F3: variants seen among roughly 807,000 people sequenced by gnomAD.
F3 encodes the protein coagulation factor III, tissue factor.
In F3, 18 loss-of-function variants were observed where a neutral mutation model predicts 33.5. That is an observed-to-expected ratio of 0.54 (90% CI 0.37 to 0.80). F3 has a LOEUF of 0.80. F3 is among the 30% of genes least tolerant of loss of function. The pLI is 0.00. For synonymous variants in F3, 147 were observed against 140.7 expected (o/e 1.05, Z -0.32); for missense variants, 353 against 362.1 (o/e 0.97, Z 0.20).
chr1:94,537,897 C>T (rs1333422561), intron 2 of F3, among the ~76,000 whole-genome samples: 1 of 152,144 alleles, frequency 6.6e-6, no homozygotes, highest in South Asian at 2.1e-4. Context: ...TTTATCAGTA[C>T]AGCAAATAGT....
chr1:94,530,664 C>T (rs916302590), intron 5 of F3, 68 bp from the exon 6 acceptor site: 28 of 1,581,390 alleles, frequency 1.8e-5, no homozygotes, highest in Middle Eastern at 3.7e-4. Flanking sequence ...ACAAAATTGA[C>T]GGCATAACCC....
At chr1:94,537,579 T>C (rs1004086270) in intron 2 of F3, among the ~76,000 whole-genome samples, 1 of 152,180 alleles carries the variant, frequency 6.6e-6, no homozygotes, top group Non-Finnish European at 1.5e-5. Context: ...CATTTACAGG[T>C]TGAATTAATA....
In F3 at chr1:94,533,231, C is replaced by T. The variant is rs751336863; in HGVS notation, c.450G>A (p.Gln150=). The T allele has an allele frequency of 6.2e-7, 1 of 1,613,280 alleles. No individual in the cohort carries two copies. Among genetic ancestry groups the T allele is most frequent in the Non-Finnish European group, 8.5e-7 (1 of 1,179,856 alleles). The change falls in exon 4 of 6, where the codon CAG becomes CAA. Residue 150 remains glutamine, a synonymous_variant. Coordinates refer to ENST00000334047, the MANE Select transcript of F3 (RefSeq NM_001993.5). The stretch of plus-strand genomic sequence containing the variant: ...CGGTCACATTCACTTTTGTTCCCAC[C>T]TGTTCAAAACTCTGAATTGTTGGCT... The part of the protein sequence containing the change: ...LGQPTIQSFE[Q]VGTKVNVTVE...
Position 94,532,462 on chromosome 1 carries a change from T to G in F3, c.610A>C (p.Thr204Pro). The part of the protein sequence containing the change: ...SSGKKTAKTN[T>P]NEFLIDVDKG... ...TCCACATCAATCAAAAACTCATTAG[T>G]GTTTGTTTTGGCTGTTTTCTGTAAA... The change falls in exon 5 of 6, where the codon ACT becomes CCT. Residue 204 changes from threonine (T) to proline (P), a missense_variant. By Grantham distance (38) the Thr-to-Pro change is conservative. Coordinates refer to ENST00000334047, the MANE Select transcript of F3 (RefSeq NM_001993.5). 4 of 1,614,088 alleles carry G rather than the reference T, an allele frequency of 2.5e-6. No homozygotes were observed. Among genetic ancestry groups the G allele is most frequent in the Non-Finnish European group, 3.4e-6 (4 of 1,180,028 alleles).
In F3 at chr1:94,529,695, A is replaced by AT. The variant is rs1296083491; in HGVS notation, c.*764dup. 1 of 152,398 alleles carries AT rather than the reference A, an allele frequency of 6.6e-6. No homozygotes were observed. The highest frequency in any genetic ancestry group is 2.4e-5 in the African/African-American group (1 of 41,436). The allele number at this position is 152,398 out of a possible 1,614,324, so 9.4% of individuals were successfully genotyped here. ...AAAAAAAAAAGAACCTAAACACTAT[A>AT]TTATAGACATATGTTAGAAAAGTCC... On this transcript the variant is annotated 3_prime_UTR_variant, in exon 6 of 6. Transcript: ENST00000334047.
chr1:94,539,394 T>TAAA, intron 2 of F3, among the ~76,000 whole-genome samples: 1 of 152,356 alleles, frequency 6.6e-6, no homozygotes, highest in Middle Eastern at 3.4e-3. Flanking sequence ...CCTAATGCTG[T>TAAA]AAAAGGCCTG....
chr1:94,532,955 C>T (rs55917816), intron 4 of F3, 135 bp downstream of exon 4: 288 of 838,664 alleles, frequency 3.4e-4, no homozygotes, highest in African/African-American at 2.3e-3. Context: ...CCCCACAGTG[C>T]GCGCTCCCCC....
At position 94,530,534 on chromosome 1, in the gene F3, T is replaced by G; in HGVS notation, c.814A>C (p.Ile272Leu). Residue 272 changes from isoleucine (I) to leucine (L), a missense_variant, in exon 6 of 6, where the codon ATA becomes CTA. Coordinates refer to ENST00000334047, the MANE Select transcript of F3 (RefSeq NM_001993.5). ...VVIILVIILA[I>L]SLHKCRKAGV... The stretch of plus-strand genomic sequence containing the variant: ...GCCTTTCTACACTTGTGTAGAGATA[T>G]AGCCAGGATGATGACAAGGATGATG... 2 of 1,614,128 alleles carry G rather than the reference T, an allele frequency of 1.2e-6. No individual in the cohort carries two copies.
intron 3 of F3, among the ~76,000 whole-genome samples, chr1:94,534,474 G>A (rs767879324): frequency 6.6e-6 from 1 of 152,136 alleles, no homozygotes; most frequent in Non-Finnish European, 1.5e-5. Context: ...AAAGTTTTGA[G>A]ATATTCTACA....
intron 2 of F3, among the ~76,000 whole-genome samples, chr1:94,537,822 G>A (rs1651658631): frequency 6.6e-6 from 1 of 152,270 alleles, no homozygotes; most frequent in South Asian, 2.1e-4. Context: ...GTTCCCGAAT[G>A]ACCAAAATGT....
chr1:94,534,132 T>C (rs533523537), intron 3 of F3, among the ~76,000 whole-genome samples: 1 of 152,220 alleles, frequency 6.6e-6, no homozygotes, highest in African/African-American at 2.4e-5. Flanking sequence ...ATCCCAAAGT[T>C]CTGAGATTAC....
intron 3 of F3, among the ~76,000 whole-genome samples, chr1:94,534,112 C>A (rs1651521870): frequency 1.3e-5 from 2 of 152,166 alleles, no homozygotes; most frequent in Non-Finnish European, 1.5e-5. Context: ...AGTGATCCAC[C>A]CGCCTTAGCA....
At position 94,536,174 on chromosome 1, in the gene F3, G is replaced by A. The variant is rs1425672162; in HGVS notation, c.213-10C>T. ...ATCTCCTGACTTAGTGCTAAAGAAA[G>A]AAAAGAAGGAAGAAACATAAATGGA... is the stretch of plus-strand genomic sequence containing the variant. On this transcript the variant is annotated splice_polypyrimidine_tract_variant and intron_variant, in intron 2 of 5. Coordinates refer to ENST00000334047, the MANE Select transcript of F3 (RefSeq NM_001993.5). 1 of 1,612,468 alleles carries A rather than the reference G, an allele frequency of 6.2e-7. No individual in the cohort carries two copies. The highest frequency in any genetic ancestry group is 1.3e-5 in the African/African-American group (1 of 74,906).
At chr1:94,533,382 G>T in intron 3 of F3, 114 bp from the exon 4 acceptor site, 1 of 1,273,622 alleles carries the variant, frequency 7.9e-7, no homozygotes, top group Non-Finnish European at 1.1e-6. Context: ...CATGTGCATA[G>T]AACCAGCTCC....
chr1:94,539,501 A>G (rs1197521086), intron 2 of F3, among the ~76,000 whole-genome samples: 2 of 152,232 alleles, frequency 1.3e-5, no homozygotes, highest in Non-Finnish European at 2.9e-5. Flanking sequence ...TAATTTCCAC[A>G]GCAGCTATTC....
At position 94,530,255 on chromosome 1, in the gene F3, G is replaced by C; in HGVS notation, c.*205C>G. The C allele has an allele frequency of 3.5e-6, 2 of 563,502 alleles. No homozygotes were observed. The highest frequency in any genetic ancestry group is 5.6e-5 in the South Asian group (2 of 35,764). 34.9% of individuals were successfully genotyped at this position (563,502 alleles called of 1,614,324 possible). A position where few individuals can be genotyped will look rare whatever the true frequency, so the allele number is the denominator to read the frequency against. On this transcript the variant is annotated 3_prime_UTR_variant, in exon 6 of 6. Coordinates refer to ENST00000334047, the MANE Select transcript of F3 (RefSeq NM_001993.5). ...AAATTAAAACTTGGAATTGGTTGTA[G>C]TACCATTCGTTACATTTCAAAGTGA...
intron 2 of F3, among the ~76,000 whole-genome samples, chr1:94,537,180 C>A (rs139544803): frequency 6.6e-6 from 1 of 152,150 alleles, no homozygotes; most frequent in African/African-American, 2.4e-5. Context: ...TTTTGTGAGA[C>A]GTCACTGAAG....
intron 4 of F3, 124 bp from the exon 5 acceptor site, chr1:94,532,604 G>T: frequency 1.0e-6 from 1 of 992,694 alleles, no homozygotes; most frequent in Non-Finnish European, 1.5e-6. Context: ...GCTGACACGT[G>T]AAGGATTAGA....
intron 2 of F3, among the ~76,000 whole-genome samples, chr1:94,536,802 T>A (rs1651622534): frequency 6.6e-6 from 1 of 152,186 alleles, no homozygotes; most frequent in Admixed American, 6.5e-5. Context: ...TGAGTCTACA[T>A]AATAACATGT....
Sources: allele counts gnomAD v4.1 joint callset (sites outside exome capture counted in the v4.1 genomes callset), GRCh38; gene constraint gnomAD v4.1.1; transcripts MANE v1.5; gene names NCBI Gene and HGNC (gene_info 2026-07-23, HGNC 2026-07-21).